The following RBM27 variants were observed in gnomAD, a reference collection of about 807,000 sequenced individuals.
RBM27 encodes RNA-binding protein 27.
A neutral mutation model predicts 135.3 loss-of-function variants in RBM27; 22 were observed. The observed-to-expected ratio is 0.16, with a 90% CI of 0.12 to 0.23. The LOEUF is 0.23. RBM27 is among the 10% of genes least tolerant of loss of function. The pLI is 1.00. For missense variants in RBM27, 1,009 were observed against 1,281.0 expected (o/e 0.79, Z 3.24); for synonymous variants, 481 against 442.4 (o/e 1.09, Z -1.10).
chr5:146,212,845 C>G (rs1756025856), intron 1 of RBM27, among the ~76,000 whole-genome samples: 1 of 151,824 alleles, frequency 6.6e-6, no homozygotes, highest in Admixed American at 6.6e-5. Flanking sequence ...TCCTGAATAC[C>G]TGGGATTACA....
intron 19 of RBM27, among the ~76,000 whole-genome samples, chr5:146,276,529 A>T (rs1759100073): frequency 6.6e-6 from 1 of 152,212 alleles, no homozygotes. Flanking sequence ...GACTTCGCAC[A>T]TAGTTAGCTT....
intron 2 of RBM27, among the ~76,000 whole-genome samples, chr5:146,220,488 A>T (rs1024386763): frequency 7.5e-6 from 1 of 133,388 alleles, no homozygotes; most frequent in South Asian, 2.4e-4. Context: ...AAAAAAAAAA[A>T]AATATATATA....
intron 8 of RBM27, among the ~76,000 whole-genome samples, chr5:146,244,277 C>T (rs1040519710): frequency 3.9e-5 from 6 of 152,108 alleles, no homozygotes; most frequent in Non-Finnish European, 8.8e-5. Flanking sequence ...GGGAGGATTG[C>T]TTGAGCCCAG....
chr5:146,249,383 C>T (rs1581196487), intron 8 of RBM27, among the ~76,000 whole-genome samples: 1 of 152,036 alleles, frequency 6.6e-6, no homozygotes, highest in Non-Finnish European at 1.5e-5. Flanking sequence ...TTGTTCCCCT[C>T]ATTGAGACTA....
chr5:146,251,410 T>C (rs1757878755), intron 8 of RBM27, among the ~76,000 whole-genome samples: 1 of 152,218 alleles, frequency 6.6e-6, no homozygotes, highest in South Asian at 2.1e-4. Context: ...TAACCTGATA[T>C]GGTTCACTGT....
Position 146,288,052 on chromosome 5 carries a change from A to G in RBM27, c.*2022A>G, listed in dbSNP as rs896110538. On this transcript the variant is annotated 3_prime_UTR_variant, in exon 21 of 21. Coordinates refer to ENST00000265271, the MANE Select transcript of RBM27 (RefSeq NM_018989.2). ...CTTAAACTGTATAATTTTGTAAATA[A>G]TTTGTTTGGGTTTTTTTTTTGTGTA... 4 of 151,826 alleles carry G rather than the reference A, an allele frequency of 2.6e-5. No homozygotes were observed. The highest frequency in any genetic ancestry group is 5.9e-5 in the Non-Finnish European group (4 of 67,886). 9.4% of individuals were successfully genotyped at this position (151,826 alleles called of 1,614,324 possible).
At chr5:146,228,278 CTTTCTTTTTTTT>C (rs932616499) in intron 3 of RBM27, among the ~76,000 whole-genome samples, 12 of 116,862 alleles carry the variant, frequency 1.0e-4, no homozygotes, top group African/African-American at 4.2e-4. Context: ...AGGGACCATT[CTTTCTTTTTTTT>C]TTTTTTTTTT....
At chr5:146,280,140 C>T (rs1344876876) in intron 19 of RBM27, among the ~76,000 whole-genome samples, 1 of 151,782 alleles carries the variant, frequency 6.6e-6, no homozygotes, top group Non-Finnish European at 1.5e-5. Context: ...CTCACTGCAA[C>T]CTCCACCTCC....
chr5:146,255,905 G>C (rs560549263), intron 10 of RBM27, among the ~76,000 whole-genome samples: 3 of 150,842 alleles, frequency 2.0e-5, no homozygotes, highest in African/African-American at 7.3e-5. Context: ...GCCCAGGTTG[G>C]AGTGCAGTGG....
intron 19 of RBM27, among the ~76,000 whole-genome samples, chr5:146,279,861 A>T (rs1412170780): frequency 6.6e-6 from 1 of 151,958 alleles, no homozygotes; most frequent in Non-Finnish European, 1.5e-5. Flanking sequence ...CCCTTTTATT[A>T]ATCTTTTTCC....
At chr5:146,220,557 A>T (rs1756415391) in intron 2 of RBM27, among the ~76,000 whole-genome samples, 1 of 151,328 alleles carries the variant, frequency 6.6e-6, no homozygotes, top group Admixed American at 6.6e-5. Flanking sequence ...ATACACATTT[A>T]TCAGTTGATT....
At chr5:146,233,098 A>G (rs973786595) in intron 6 of RBM27, among the ~76,000 whole-genome samples, 1 of 152,194 alleles carries the variant, frequency 6.6e-6, no homozygotes, top group African/African-American at 2.4e-5. Context: ...CAATGCCCTT[A>G]TTCTCCCCTA....
At chr5:146,259,289 G>T (rs1370464738) in intron 11 of RBM27, among the ~76,000 whole-genome samples, 2 of 151,992 alleles carry the variant, frequency 1.3e-5, no homozygotes, top group Non-Finnish European at 2.9e-5. Context: ...GCCAAGGCGG[G>T]TGGATCACTT....
chr5:146,206,549 TA>T (rs35369287), intron 1 of RBM27, among the ~76,000 whole-genome samples: 51,704 of 144,634 alleles, frequency 0.36, 9,378 homozygotes, highest in African/African-American at 0.41. Context: ...TCATTTAGGG[TA>T]AAAAAAAAAA....
At chr5:146,269,743 T>C (rs928876066) in intron 17 of RBM27, among the ~76,000 whole-genome samples, 159 bp downstream of exon 17, 5 of 106,606 alleles carry the variant, frequency 4.7e-5, no homozygotes, top group African/African-American at 2.1e-4. Flanking sequence ...TTATAGTACC[T>C]TTTTTTTTTT....
intron 3 of RBM27, 21 bp from the exon 4 acceptor site, chr5:146,228,925 C>G: frequency 6.2e-7 from 1 of 1,605,168 alleles, no homozygotes. Context: ...GCTCTTACTT[C>G]TACTCAATAT....
chr5:146,222,965 C>G (rs942025406), intron 2 of RBM27, among the ~76,000 whole-genome samples: 21 of 152,120 alleles, frequency 1.4e-4, no homozygotes, highest in Non-Finnish European at 2.5e-4. Flanking sequence ...GCGTTCCCAC[C>G]TAGAGTACAC....
chr5:146,231,511 TTTTTTTTG>T (rs1756930426), intron 6 of RBM27, among the ~76,000 whole-genome samples: 1 of 146,068 alleles, frequency 6.8e-6, no homozygotes, highest in Non-Finnish European at 1.5e-5. Context: ...CTTTTTTAGA[TTTTTTTTG>T]TTTTTTTGTT....
intron 8 of RBM27, among the ~76,000 whole-genome samples, chr5:146,238,368 C>T (rs952136713): frequency 1.1e-4 from 17 of 151,996 alleles, no homozygotes; most frequent in Non-Finnish European, 4.4e-5. Context: ...ATTAGCTGGG[C>T]GTTGTGGAGC....
Sources: allele counts gnomAD v4.1 joint callset (sites outside exome capture counted in the v4.1 genomes callset), GRCh38; gene constraint gnomAD v4.1.1; transcripts MANE v1.5; gene names NCBI Gene and HGNC (gene_info 2026-07-23, HGNC 2026-07-21).